The following DUOXA1 variants were observed in gnomAD, a reference collection of about 807,000 sequenced individuals.
DUOXA1 encodes dual oxidase maturation factor 1.
DUOXA1 carries 19 observed loss-of-function variants against 26.6 expected under a neutral mutation model. The ratio of observed to expected loss-of-function variants is 0.71; its 90% confidence interval spans 0.50 to 1.05. The LOEUF (loss-of-function observed/expected upper bound fraction) is 1.05. Ranked by LOEUF, DUOXA1 falls within the 50% of genes least tolerant of loss-of-function variation. DUOXA1 has a pLI of 0.00. For missense variants in DUOXA1, 403 were observed against 427.5 expected (o/e 0.94, Z 0.51); for synonymous variants, 166 against 177.0 (o/e 0.94, Z 0.49).
At position 45,120,780 on chromosome 15, in the gene DUOXA1, C is replaced by A; in HGVS notation, c.366G>T (p.Glu122Asp). The A allele has an allele frequency of 6.2e-7, 1 of 1,614,116 alleles. No homozygotes were observed. The highest frequency in any genetic ancestry group is 1.3e-5 in the African/African-American group (1 of 75,032). ...LTGTPVQQLN[E>D]TINYNEEFTW... Reference sequence around the variant, plus strand: ...TGAACTCCTCGTTGTAATTGATGGTCTCATTCAGCTGCTGCACGGGGGTCC... The same window carrying A: ...TGAACTCCTCGTTGTAATTGATGGTATCATTCAGCTGCTGCACGGGGGTCC... Residue 122 changes from glutamate to aspartate, a missense_variant, in exon 7 of 9, where the codon GAG becomes GAT. Glu to Asp is a conservative substitution (Grantham distance 45). Transcript: ENST00000560572.
Position 45,117,670 on chromosome 15 carries a change from C to T in DUOXA1, c.*1436G>A, listed in dbSNP as rs1894742166. On this transcript the variant is annotated 3_prime_UTR_variant, in exon 9 of 9. Transcript: ENST00000560572. ...TTCGAGACCAGCCTGGGCAACATAG[C>T]CCTGACTCCACATGCCCTCCTTTCT... 1.9e-6 allele frequency: 3 copies of T among 1,613,820 alleles called. No individual in the cohort carries two copies. In the East Asian group the frequency reaches 6.7e-5, roughly 36 times the overall value.
Position 45,117,899 on chromosome 15 carries a change from C to CT in DUOXA1, c.*1206dup. The CT allele has an allele frequency of 6.2e-7, 1 of 1,613,418 alleles. No homozygotes were observed. Among genetic ancestry groups the CT allele is most frequent in the Non-Finnish European group, 8.5e-7 (1 of 1,180,046 alleles). ...CTCCCAGACTTAAAATGTATCACCA[C>CT]TAACCTGTGAGGGGGACCCAATCTG... is the stretch of plus-strand genomic sequence containing the variant. On this transcript the variant is annotated 3_prime_UTR_variant, in exon 9 of 9. Transcript: ENST00000560572.
At chr15:45,127,350 T>A (rs1042299610) in intron 3 of DUOXA1, among the ~76,000 whole-genome samples, 1 of 152,246 alleles carries the variant, frequency 6.6e-6, no homozygotes, top group African/African-American at 2.4e-5. Context: ...GAATGTTTCA[T>A]TTCTATTAAC....
At chr15:45,126,869 T>C (rs1763311681) in intron 3 of DUOXA1, among the ~76,000 whole-genome samples, 1 of 152,234 alleles carries the variant, frequency 6.6e-6, no homozygotes, top group Non-Finnish European at 1.5e-5. Flanking sequence ...CTTTTAGTAA[T>C]TTCTCAAAAT....
chr15:45,120,204 A>C lies in DUOXA1; in HGVS notation c.671T>G (p.Phe224Cys), dbSNP rs753881760. 5 of 1,612,860 alleles carry C rather than the reference A, an allele frequency of 3.1e-6. No homozygotes were observed. The South Asian group carries it at 5.5e-5, about 18-fold the overall frequency. ...GIFQLLALLF[F>C]SMATSLTSPC... ...TGAGGTGAGTGATGTGGCCATGGAG[A>C]AGAAGAGCAGAGCCAACAGCTGGAA... is the stretch of plus-strand genomic sequence containing the variant. The change falls in exon 8 of 9, where the codon TTC (phenylalanine) becomes TGC (cysteine). Residue 224 changes from phenylalanine to cysteine, a missense_variant. Transcript: ENST00000560572.
chr15:45,125,441 A>G (rs191101826), intron 3 of DUOXA1, among the ~76,000 whole-genome samples: 112 of 152,302 alleles, frequency 7.4e-4, no homozygotes, highest in Admixed American at 4.3e-3. Context: ...CCCTCCAGCT[A>G]CCATCCTATT....
chr15:45,118,441 T>C lies in DUOXA1; in HGVS notation c.*665A>G. ...ATTCCCTAACTTCCCACCTGGCTTCTTGTGAGGTGGTGTTTGAGGGCCAAG... is the reference window on the plus strand; with the variant it reads ...ATTCCCTAACTTCCCACCTGGCTTCCTGTGAGGTGGTGTTTGAGGGCCAAG... On this transcript the variant is annotated 3_prime_UTR_variant, in exon 9 of 9. Transcript: ENST00000560572. The C allele has an allele frequency of 9.8e-7, 1 of 1,019,738 alleles. No homozygotes were observed. The highest frequency in any genetic ancestry group is 1.7e-5 in the African/African-American group (1 of 58,534). 63.2% of individuals were successfully genotyped at this position (1,019,738 alleles called of 1,614,324 possible).
In DUOXA1 at chr15:45,120,171, G is replaced by T. The variant is rs139046370; in HGVS notation, c.704C>A (p.Pro235His). Residue 235 changes from proline (P) to histidine (H), a missense_variant, in exon 8 of 9, where the codon CCC becomes CAC. Physicochemically the swap from Pro to His is moderately conservative, Grantham distance 77. Coordinates refer to ENST00000560572, the MANE Select transcript of DUOXA1 (RefSeq NM_001276266.2). Reference sequence around the variant, plus strand: ...CAGCACAGAAGCGCCCAGGTGCAGGGGACAGGGTGAGGTGAGTGATGTGGC... The same window carrying T: ...CAGCACAGAAGCGCCCAGGTGCAGGTGACAGGGTGAGGTGAGTGATGTGGC... ...SMATSLTSPC[P>H]LHLGASVLHT... is the part of the protein sequence containing the mutation. 30 of 1,614,124 alleles carry T rather than the reference G, an allele frequency of 1.9e-5. No individual in the cohort carries two copies. Among genetic ancestry groups the T allele is most frequent in the Non-Finnish European group, 2.4e-5 (28 of 1,179,998 alleles).
chr15:45,127,323 T>C (rs1895758321), intron 3 of DUOXA1, among the ~76,000 whole-genome samples: 1 of 152,196 alleles, frequency 6.6e-6, no homozygotes, highest in Admixed American at 6.5e-5. Context: ...AAAGGGAGGT[T>C]ATAAAAAAAT....
In DUOXA1 at chr15:45,120,602, C is replaced by A. The variant is rs12916804; in HGVS notation, c.544G>T (p.Ala182Ser). ...QYRLAGHYTS[A>S]MLWVAFLCWL... Reference sequence around the variant, plus strand: ...CCTTCCCATCCTCACCATAGCATGGCTGAGGTGTAGTGTCCCGCCAGGCGG... The same window carrying A: ...CCTTCCCATCCTCACCATAGCATGGATGAGGTGTAGTGTCCCGCCAGGCGG... Residue 182 changes from alanine (A) to serine (S), a missense_variant, in exon 7 of 9, where the codon GCC becomes TCC. Ala to Ser is a moderately conservative substitution (Grantham distance 99). Coordinates refer to ENST00000560572, the MANE Select transcript of DUOXA1 (RefSeq NM_001276266.2). 6.2e-7 allele frequency: 1 copy of A among 1,613,986 alleles called. No homozygotes were observed. Among genetic ancestry groups the A allele is most frequent in the Non-Finnish European group, 8.5e-7 (1 of 1,179,978 alleles).
In DUOXA1 at chr15:45,122,354, C is replaced by T; in HGVS notation, c.148-112G>A. ...AATTCTAAAGCTGAGATCACTTGGT[C>T]AATTGAAATCAGAGTGTCTGGCACA... On this transcript the variant is annotated intron_variant, in intron 4 of 8. Transcript: ENST00000560572. 4 of 1,003,952 alleles carry T rather than the reference C, an allele frequency of 4.0e-6. No individual in the cohort carries two copies. The South Asian group carries it at 5.5e-5, about 14-fold the overall frequency. 62.2% of individuals were successfully genotyped at this position (1,003,952 alleles called of 1,614,324 possible).
intron 5 of DUOXA1, among the ~76,000 whole-genome samples, 173 bp from the exon 6 acceptor site, chr15:45,121,394 C>T (rs1895192197): frequency 6.6e-6 from 1 of 152,206 alleles, no homozygotes; most frequent in African/African-American, 2.4e-5. Context: ...GTGGGATTTC[C>T]CTTGGCCATA....
chr15:45,118,675 G>A lies in DUOXA1; in HGVS notation c.*431C>T, dbSNP rs1344265675. 6.0e-6 allele frequency: 6 copies of A among 992,918 alleles called. No individual in the cohort carries two copies. Among genetic ancestry groups the A allele is most frequent in the Non-Finnish European group, 7.2e-6 (6 of 835,578 alleles). The allele number at this position is 992,918 out of a possible 1,614,324, so 61.5% of individuals were successfully genotyped here. ...CACACAAGCTGGAGAAGTAAAGGAA[G>A]AACAAAAGGAACCCAGGAAAAAGGA... On this transcript the variant is annotated 3_prime_UTR_variant, in exon 9 of 9. Transcript: ENST00000560572.
At chr15:45,119,495 A>G in intron 8 of DUOXA1, 130 bp from the exon 9 acceptor site, 1 of 1,397,258 alleles carries the variant, frequency 7.2e-7, no homozygotes, top group South Asian at 1.5e-5. Flanking sequence ...TTGGGCTCAG[A>G]GAGGTGACTG....
rs1487402699 is a variant in DUOXA1, at chr15:45,121,179, G to C, written c.248C>G (p.Thr83Ser). 6.2e-7 allele frequency: 1 copy of C among 1,614,082 alleles called. No homozygotes were observed. The highest frequency in any genetic ancestry group is 8.5e-7 in the Non-Finnish European group (1 of 1,180,042). ...ACTGAAGGCCTTGTATGATGTGTTG[G>C]TGCTGACCTGGCCCACAGACCACTC... The part of the protein sequence containing the change: ...SSEWSVGQVS[T>S]NTSYKAFSSE... The change falls in exon 6 of 9, where the codon ACC becomes AGC. Residue 83 changes from threonine to serine, a missense_variant. Transcript: ENST00000560572.
In DUOXA1 at chr15:45,117,760, T is replaced by C. The variant is rs756307526; in HGVS notation, c.*1346A>G. 6.2e-7 allele frequency: 1 copy of C among 1,613,736 alleles called. No homozygotes were observed. Among genetic ancestry groups the C allele is most frequent in the South Asian group, 1.1e-5 (1 of 91,072 alleles). ...CGGAGGGGCCGTGGTGAGTCTCCAG[T>C]ATGTTCGGCCCAGCGCTCTTCGCAC... On this transcript the variant is annotated 3_prime_UTR_variant, in exon 9 of 9. Coordinates refer to ENST00000560572, the MANE Select transcript of DUOXA1 (RefSeq NM_001276266.2).
In DUOXA1 at chr15:45,120,586, C is replaced by T. The variant is rs1895091889; in HGVS notation, c.554+6G>A. 6.2e-7 allele frequency: 1 copy of T among 1,613,932 alleles called. No homozygotes were observed. The highest frequency in any genetic ancestry group is 1.3e-5 in the African/African-American group (1 of 74,910). On this transcript the variant is annotated splice_donor_region_variant and intron_variant, in intron 7 of 8. Coordinates refer to ENST00000560572, the MANE Select transcript of DUOXA1 (RefSeq NM_001276266.2). Reference sequence around the variant, plus strand: ...GGCCTCCACCCCGTCTCCTTCCCATCCTCACCATAGCATGGCTGAGGTGTA... The same window carrying T: ...GGCCTCCACCCCGTCTCCTTCCCATTCTCACCATAGCATGGCTGAGGTGTA...
chr15:45,126,206 C>G (rs917827718), intron 3 of DUOXA1, among the ~76,000 whole-genome samples: 6 of 152,166 alleles, frequency 3.9e-5, no homozygotes, highest in African/African-American at 1.4e-4. Context: ...CCAATATAAT[C>G]ATTTCACTTC....
chr15:45,125,921 A>C (rs534309096), intron 3 of DUOXA1, among the ~76,000 whole-genome samples: 1 of 152,160 alleles, frequency 6.6e-6, no homozygotes, highest in Non-Finnish European at 1.5e-5. Flanking sequence ...AGGGCCAACC[A>C]CCCTGTGGAC....
Sources: gnomAD v4.1 joint callset for allele counts (sites outside exome capture counted in the v4.1 genomes callset) on GRCh38, gnomAD v4.1.1 for gene constraint, MANE v1.5 for transcripts, NCBI Gene and HGNC (gene_info 2026-07-23, HGNC 2026-07-21) for gene names.